Variants in DOK6 observed in about 807,000 individuals in gnomAD.
The protein encoded by DOK6 is docking protein 6.
DOK6 carries 22 observed loss-of-function variants against 44.0 expected under a neutral mutation model. The observed-to-expected ratio is 0.50, with a 90% confidence interval of 0.36 to 0.71. DOK6 has a LOEUF of 0.71. DOK6 is among the 30% of genes least tolerant of loss of function. The probability of loss-of-function intolerance (pLI) is 0.00; values close to 1 mark genes in which losing one functional copy is unlikely to be tolerated. For synonymous variants in DOK6, 166 were observed against 145.5 expected (o/e 1.14, Z -1.01); for missense variants, 340 against 416.4 (o/e 0.82, Z 1.60).
chr18:69,616,264 C>G (rs1406024215), intron 3 of DOK6, among the ~76,000 whole-genome samples: 1 of 152,120 alleles, frequency 6.6e-6, no homozygotes, highest in Non-Finnish European at 1.5e-5. Flanking sequence ...AAAGAGCTAC[C>G]ACTCATGACT....
chr18:69,825,427 CTTTTTTTTTTTTTT>C (rs34656265), intron 7 of DOK6, among the ~76,000 whole-genome samples: 9 of 82,988 alleles, frequency 1.1e-4, no homozygotes, highest in Admixed American at 4.0e-4. Context: ...ATCATAACTT[CTTTTTTTTTTTTTT>C]TTTTTTTTTT....
intron 2 of DOK6, among the ~76,000 whole-genome samples, chr18:69,578,522 C>T (rs79571725): frequency 0.014 from 2,175 of 152,224 alleles, 34 homozygotes; most frequent in East Asian, 0.034. Flanking sequence ...AAAGAATGTT[C>T]GGTACTGCAA....
At chr18:69,488,208 T>C (rs1263884577) in intron 1 of DOK6, among the ~76,000 whole-genome samples, 3 of 152,152 alleles carry the variant, frequency 2.0e-5, no homozygotes, top group African/African-American at 7.2e-5. Context: ...AGGGCACTAA[T>C]CCCATAATGA....
At chr18:69,765,843 C>G (rs1979697119) in intron 7 of DOK6, among the ~76,000 whole-genome samples, 1 of 152,088 alleles carries the variant, frequency 6.6e-6, no homozygotes, top group Non-Finnish European at 1.5e-5. Context: ...TATTATCTCC[C>G]ATGATCTCAT....
At chr18:69,637,562 C>A (rs73459981) in intron 3 of DOK6, among the ~76,000 whole-genome samples, 2,579 of 152,236 alleles carry the variant, frequency 0.017, 64 homozygotes, top group African/African-American at 0.059. Context: ...TGAAGTATTC[C>A]TGTGGTACAT....
chr18:69,607,856 C>T (rs2144628185), intron 3 of DOK6, among the ~76,000 whole-genome samples: 1 of 152,138 alleles, frequency 6.6e-6, no homozygotes, highest in Non-Finnish European at 1.5e-5. Flanking sequence ...AGAGTCACTA[C>T]ACAAATTAGA....
intron 1 of DOK6, among the ~76,000 whole-genome samples, chr18:69,507,023 G>A (rs868639506): frequency 6.6e-6 from 1 of 151,630 alleles, no homozygotes; most frequent in Non-Finnish European, 1.5e-5. Context: ...AGGTTTTTGT[G>A]TTTTTTTGTT....
At chr18:69,407,880 A>G (rs1282757582) in intron 1 of DOK6, among the ~76,000 whole-genome samples, 1 of 152,224 alleles carries the variant, frequency 6.6e-6, no homozygotes, top group Non-Finnish European at 1.5e-5. Context: ...ACAAAGACAT[A>G]TTAATGCTTA....
chr18:69,457,823 TG>T (rs1003708712), intron 1 of DOK6, among the ~76,000 whole-genome samples: 4 of 152,196 alleles, frequency 2.6e-5, no homozygotes, highest in Admixed American at 1.3e-4. Flanking sequence ...GAGCAGCATT[TG>T]GTAGTTCTCC....
At chr18:69,446,406 A>G (rs1260765812) in intron 1 of DOK6, among the ~76,000 whole-genome samples, 1 of 151,848 alleles carries the variant, frequency 6.6e-6, no homozygotes, top group Non-Finnish European at 1.5e-5. Context: ...TTATGGCTGC[A>G]TAGTATTCCA....
intron 1 of DOK6, among the ~76,000 whole-genome samples, chr18:69,480,571 AC>A (rs1288238175): frequency 1.3e-5 from 2 of 152,086 alleles, no homozygotes; most frequent in Non-Finnish European, 2.9e-5. Flanking sequence ...AAAACTACCT[AC>A]CCCTAGTGAC....
intron 1 of DOK6, among the ~76,000 whole-genome samples, chr18:69,423,838 A>G (rs1196953949): frequency 6.6e-6 from 1 of 152,224 alleles, no homozygotes; most frequent in Non-Finnish European, 1.5e-5. Context: ...AAGAAATAAA[A>G]TGAATATAAT....
chr18:69,500,849 T>G (rs1392391481), intron 1 of DOK6, among the ~76,000 whole-genome samples: 1 of 152,174 alleles, frequency 6.6e-6, no homozygotes, highest in Non-Finnish European at 1.5e-5. Flanking sequence ...GTGAGTGATC[T>G]AACTACTTTG....
chr18:69,419,716 G>C (rs1978432919), intron 1 of DOK6, among the ~76,000 whole-genome samples: 1 of 152,038 alleles, frequency 6.6e-6, no homozygotes, highest in Admixed American at 6.6e-5. Flanking sequence ...TAAAAAGATG[G>C]CATTAATACC....
At chr18:69,532,963 G>A (rs1982025991) in intron 1 of DOK6, 1 of 152,170 alleles carries the variant, frequency 6.6e-6, no homozygotes. Flanking sequence ...TCAGAAAACA[G>A]CTTTATGGAA....
chr18:69,412,000 C>T (rs779980961), intron 1 of DOK6, among the ~76,000 whole-genome samples: 4 of 151,954 alleles, frequency 2.6e-5, no homozygotes, highest in Admixed American at 1.3e-4. Context: ...CTATCAATTT[C>T]GATGATTTTA....
At chr18:69,575,885 AC>A in intron 2 of DOK6, among the ~76,000 whole-genome samples, 1 of 152,216 alleles carries the variant, frequency 6.6e-6, no homozygotes, top group East Asian at 1.9e-4. Context: ...CTTCAATGTC[AC>A]CATAGGGATC....
At chr18:69,437,184 GT>G (rs1169451507) in intron 1 of DOK6, among the ~76,000 whole-genome samples, 3 of 152,204 alleles carry the variant, frequency 2.0e-5, no homozygotes, top group Admixed American at 6.5e-5. Flanking sequence ...GTCAATTTTG[GT>G]TTTTGTTGTC....
intron 7 of DOK6, among the ~76,000 whole-genome samples, chr18:69,799,691 T>A (rs1020850471): frequency 2.6e-5 from 4 of 152,048 alleles, no homozygotes; most frequent in African/African-American, 9.7e-5. Flanking sequence ...AGAATCAATG[T>A]CTTAAGTAAT....
Sources: allele counts gnomAD v4.1 joint callset (sites outside exome capture counted in the v4.1 genomes callset), GRCh38; gene constraint gnomAD v4.1.1; transcripts MANE v1.5; gene names NCBI Gene and HGNC (gene_info 2026-07-23, HGNC 2026-07-21).